Variants in ABCG2 observed in about 807,000 individuals in gnomAD.
ABCG2 encodes the protein ATP binding cassette subfamily G member 2 (JR blood group).
In ABCG2, 80 loss-of-function variants were observed where a neutral mutation model predicts 73.5. That is an observed-to-expected ratio of 1.09 (90% CI 0.91 to 1.31). ABCG2 has a LOEUF of 1.31. ABCG2 is among the 50% of genes most tolerant of loss of function. The pLI is 0.00. For synonymous variants in ABCG2, 269 were observed against 282.4 expected (o/e 0.95, Z 0.48); for missense variants, 796 against 786.2 (o/e 1.01, Z -0.15).
intron 10 of ABCG2, among the ~76,000 whole-genome samples, chr4:88,102,215 C>T (rs1470463384): frequency 1.3e-5 from 2 of 152,172 alleles, no homozygotes; most frequent in Admixed American, 6.5e-5. Context: ...CCAAGTGACA[C>T]TTACTGATAA....
At chr4:88,224,228 T>A (rs1730114594) in intron 1 of ABCG2, among the ~76,000 whole-genome samples, 1 of 152,108 alleles carries the variant, frequency 6.6e-6, no homozygotes, top group African/African-American at 2.4e-5. Context: ...GGCAGGTGGA[T>A]CACTTGAGCT....
chr4:88,121,659 T>C lies in ABCG2; in HGVS notation c.665A>G (p.Asn222Ser), dbSNP rs1191549045. The C allele has an allele frequency of 6.2e-7, 1 of 1,613,962 alleles. No individual in the cohort carries two copies. The highest frequency in any genetic ancestry group is 1.1e-5 in the South Asian group (1 of 91,036). Reference sequence around the variant, plus strand: ...CCTTTTCAGGAGCAAAAGGACAGCATTTGCTGTGCTTGAGTCTAAGCCAGT... The same window carrying C: ...CCTTTTCAGGAGCAAAAGGACAGCACTTGCTGTGCTTGAGTCTAAGCCAGT... ...PTTGLDSSTA[N>S]AVLLLLKRMS... The change falls in exon 6 of 16, where the codon AAT becomes AGT. Residue 222 changes from asparagine (N) to serine (S), a missense_variant. Asn to Ser is a conservative substitution (Grantham distance 46). Coordinates refer to ENST00000237612, the MANE Select transcript of ABCG2 (RefSeq NM_004827.3).
At position 88,121,806 on chromosome 4, in the gene ABCG2, A is replaced by G. The variant is rs775922348; in HGVS notation, c.532-14T>C. 3.1e-6 allele frequency: 5 copies of G among 1,610,906 alleles called. No homozygotes were observed. The Admixed American group carries it at 8.4e-5, about 27-fold the overall frequency. On this transcript the variant is annotated splice_polypyrimidine_tract_variant and intron_variant, in intron 5 of 15. Transcript: ENST00000237612. ...CTGAGTTCCAACCTAAATCACAAAT[A>G]TTATAATTGTCAATGATAACAACCA...
In ABCG2 at chr4:88,153,802, A is replaced by G. The variant is rs547525138; in HGVS notation, c.-20+4584T>C. On this transcript the variant is annotated intron_variant, in intron 1 of 15. Transcript: ENST00000237612. ...GACTCGGGGCATGTGAGTAAAGCTA[A>G]TTTGCCAGTCCTGGGCAGGAGCAAA... is the stretch of plus-strand genomic sequence containing the variant. 5.3e-5 allele frequency among the ~76,000 whole-genome samples: 8 copies of G among 152,238 alleles called. No individual in the cohort carries two copies. In the South Asian group the frequency reaches 1.0e-3, roughly 20 times the overall value.
chr4:88,145,877 G>A lies in ABCG2; in HGVS notation c.-19-5863C>T, dbSNP rs1321124811. Among the ~76,000 whole-genome samples the A allele has an allele frequency of 9.2e-5, 14 of 152,186 alleles. 1 individual carries two copies. Among genetic ancestry groups the A allele is most frequent in the Admixed American group, 9.2e-4 (14 of 15,270 alleles). On this transcript the variant is annotated intron_variant, in intron 1 of 15. Transcript: ENST00000237612. ...TTGAATTCAGAAGGCAGAGATTGCA[G>A]TGTGCTAAGATTGTGCTGCTGCACT... is the stretch of plus-strand genomic sequence containing the variant.
intron 9 of ABCG2, 144 bp downstream of exon 9, chr4:88,113,159 T>C: frequency 8.7e-7 from 1 of 1,147,468 alleles, no homozygotes; most frequent in Non-Finnish European, 1.2e-6. Context: ...CCTTTATTTG[T>C]TCTGCTGACT....
chr4:88,093,718 A>G (rs979396249), intron 15 of ABCG2, among the ~76,000 whole-genome samples: 6 of 152,100 alleles, frequency 3.9e-5, no homozygotes, highest in Admixed American at 1.3e-4. Context: ...AATTCAAAAG[A>G]GTAATTTGTC....
intron 1 of ABCG2, among the ~76,000 whole-genome samples, chr4:88,204,249 G>A (rs1346854894): frequency 4.6e-5 from 7 of 151,886 alleles, no homozygotes; most frequent in Non-Finnish European, 7.4e-5. Context: ...GTGAAACCCC[G>A]TCTCTAGTAA....
At chr4:88,114,542 G>A (rs926818347) in intron 8 of ABCG2, among the ~76,000 whole-genome samples, 1 of 151,548 alleles carries the variant, frequency 6.6e-6, no homozygotes, top group Non-Finnish European at 1.5e-5. Context: ...CAGGAGAGTG[G>A]CTTGAACCTG....
chr4:88,186,754 C>G (rs1199358365), intron 1 of ABCG2, among the ~76,000 whole-genome samples: 1 of 151,048 alleles, frequency 6.6e-6, no homozygotes, highest in Non-Finnish European at 1.5e-5. Context: ...CCCGTCTCTA[C>G]TAAAAATACA....
At chr4:88,143,050 A>T (rs1451823677) in intron 1 of ABCG2, among the ~76,000 whole-genome samples, 2 of 152,236 alleles carry the variant, frequency 1.3e-5, no homozygotes, top group African/African-American at 4.8e-5. Flanking sequence ...ATAGTATCAC[A>T]ACTATTACCA....
chr4:88,134,987 A>C (rs988497759), intron 2 of ABCG2, among the ~76,000 whole-genome samples: 4 of 152,196 alleles, frequency 2.6e-5, no homozygotes, highest in Non-Finnish European at 5.9e-5. Flanking sequence ...TCTTAGACAA[A>C]GGGTTGTTGG....
chr4:88,131,212 T>C lies in ABCG2; in HGVS notation c.380A>G (p.Asp127Gly), dbSNP rs1724849620. The C allele has an allele frequency of 4.3e-6, 7 of 1,613,842 alleles. No homozygotes were observed. The highest frequency in any genetic ancestry group is 5.9e-6 in the Non-Finnish European group (7 of 1,179,860). The change falls in exon 5 of 16, where the codon GAT becomes GGT. Residue 127 changes from aspartate to glycine, a missense_variant and splice_region_variant. By Grantham distance (94) the Asp-to-Gly change is moderately conservative. Transcript: ENST00000237612. The part of the protein sequence containing the change: ...FKCNSGYVVQ[D>G]DVVMGTLTVR... The stretch of plus-strand genomic sequence containing the variant: ...CGTCAGAGTGCCCATCACAACATCA[T>C]CCTTAAGGCAAATAGCATTTTAATG...
chr4:88,107,117 A>C lies in ABCG2; in HGVS notation c.1277+67T>G, dbSNP rs2231150. On this transcript the variant is annotated intron_variant, in intron 10 of 15. Coordinates refer to ENST00000237612, the MANE Select transcript of ABCG2 (RefSeq NM_004827.3). The stretch of plus-strand genomic sequence containing the variant: ...ATACTTGTCTTAAATTCAAATTCTT[A>C]ATGGATTTCAATAAGCTTGAAGAAA... The C allele has an allele frequency of 8.7e-4, 1,033 of 1,187,780 alleles. 7 individuals are homozygous for C. In the African/African-American group the frequency reaches 0.013, roughly 15 times the overall value. 73.6% of individuals were successfully genotyped at this position (1,187,780 alleles called of 1,614,324 possible).
chr4:88,104,124 C>T (rs1389871163), intron 10 of ABCG2, among the ~76,000 whole-genome samples: 1 of 152,170 alleles, frequency 6.6e-6, no homozygotes, highest in Non-Finnish European at 1.5e-5. Flanking sequence ...TTAATACACA[C>T]TAATTTGTTT....
chr4:88,230,601 A>C (rs1474989567), intron 1 of ABCG2, among the ~76,000 whole-genome samples: 1 of 152,090 alleles, frequency 6.6e-6, no homozygotes, highest in East Asian at 1.9e-4. Flanking sequence ...AAGCACAGAG[A>C]TAGCCATCAA....
At chr4:88,211,217 A>C (rs1476616065) in intron 1 of ABCG2, among the ~76,000 whole-genome samples, 1 of 152,066 alleles carries the variant, frequency 6.6e-6, no homozygotes, top group Admixed American at 6.6e-5. Flanking sequence ...GTGTATTTTA[A>C]AAATTATTTT....
chr4:88,154,916 C>T (rs1031732112), intron 1 of ABCG2, among the ~76,000 whole-genome samples: 6 of 152,176 alleles, frequency 3.9e-5, no homozygotes, highest in African/African-American at 1.4e-4. Flanking sequence ...AGCCACTGCA[C>T]GGAGACATGA....
At chr4:88,228,446 C>G (rs901608469) in intron 1 of ABCG2, among the ~76,000 whole-genome samples, 3 of 152,208 alleles carry the variant, frequency 2.0e-5, no homozygotes, top group Non-Finnish European at 4.4e-5. Context: ...TACTCAGCCC[C>G]ACACATGCTT....
Sources: allele counts gnomAD v4.1 joint callset (sites outside exome capture counted in the v4.1 genomes callset), GRCh38; gene constraint gnomAD v4.1.1; transcripts MANE v1.5; gene names NCBI Gene and HGNC (gene_info 2026-07-23, HGNC 2026-07-21).